Variants in AGBL4 observed in about 807,000 individuals in gnomAD.
The protein encoded by AGBL4 is AGBL carboxypeptidase 4, also known as cytosolic carboxypeptidase 6.
Under a neutral mutation model 66.4 loss-of-function variants are expected in AGBL4, and 58 were observed. The observed-to-expected ratio is 0.87, with a 90% confidence interval of 0.71 to 1.09. The LOEUF (loss-of-function observed/expected upper bound fraction) is 1.09, where lower values mean the gene tolerates loss of function less well. Ranked by LOEUF, AGBL4 falls within the 50% of genes least tolerant of loss-of-function variation. The probability of loss-of-function intolerance (pLI) is 0.00; values close to 1 mark genes in which losing one functional copy is unlikely to be tolerated. For synonymous variants in AGBL4, 234 were observed against 222.9 expected (o/e 1.05, Z -0.44); for missense variants, 579 against 631.0 (o/e 0.92, Z 0.88).
intron 6 of AGBL4, among the ~76,000 whole-genome samples, chr1:48,844,825 T>C (rs1039316469): frequency 6.6e-6 from 1 of 152,252 alleles, no homozygotes; most frequent in Non-Finnish European, 1.5e-5. Context: ...TATATTTTTC[T>C]TGAAGCAGGT....
chr1:49,317,589 GAA>G (rs1645062681), intron 3 of AGBL4, among the ~76,000 whole-genome samples: 1 of 151,832 alleles, frequency 6.6e-6, no homozygotes, highest in Non-Finnish European at 1.5e-5. Context: ...ATTATACAAT[GAA>G]ACAATCACTA....
intron 2 of AGBL4, among the ~76,000 whole-genome samples, chr1:49,700,392 T>C (rs907293288): frequency 3.9e-5 from 6 of 151,908 alleles, no homozygotes; most frequent in Non-Finnish European, 8.8e-5. Context: ...AATTAAAACA[T>C]AGATTAATCT....
intron 6 of AGBL4, among the ~76,000 whole-genome samples, chr1:48,693,934 T>C (rs56242935): frequency 0.037 from 5,589 of 151,778 alleles, 353 homozygotes; most frequent in African/African-American, 0.13. Context: ...TGAGTCTGAC[T>C]TACCCTGACC....
chr1:48,739,079 C>T (rs1649510571), intron 6 of AGBL4, among the ~76,000 whole-genome samples: 1 of 152,176 alleles, frequency 6.6e-6, no homozygotes, highest in South Asian at 2.1e-4. Flanking sequence ...GACAGCAGAC[C>T]TAACACATCA....
At chr1:49,211,942 C>T (rs1477702936) in intron 4 of AGBL4, among the ~76,000 whole-genome samples, 1 of 152,092 alleles carries the variant, frequency 6.6e-6, no homozygotes, top group Non-Finnish European at 1.5e-5. Flanking sequence ...AGGCCATGAA[C>T]TAGAAGCTTT....
intron 3 of AGBL4, among the ~76,000 whole-genome samples, chr1:49,298,941 C>A (rs998719955): frequency 2.0e-5 from 3 of 152,170 alleles, no homozygotes; most frequent in African/African-American, 7.2e-5. Context: ...ACTGATCCTT[C>A]TTCTTTTGCC....
At chr1:48,529,060 T>A (rs1022739459), downstream of AGBL4, among the ~76,000 whole-genome samples, 1 of 152,022 alleles carries the variant, frequency 6.6e-6, no homozygotes, top group Non-Finnish European at 1.5e-5. Flanking sequence ...ACTCTCACCA[T>A]ACCCACTATT....
chr1:49,075,522 C>A (rs1171249085), intron 4 of AGBL4, among the ~76,000 whole-genome samples: 2 of 152,112 alleles, frequency 1.3e-5, no homozygotes, highest in African/African-American at 4.8e-5. Flanking sequence ...TTTATCATCA[C>A]CTTTAGAGTA....
intron 9 of AGBL4, among the ~76,000 whole-genome samples, chr1:48,616,920 T>C (rs758612320): frequency 2.0e-5 from 3 of 152,232 alleles, no homozygotes; most frequent in Non-Finnish European, 2.9e-5. Flanking sequence ...AACGGCTGGT[T>C]TCTTTTCTGC....
chr1:49,695,140 A>G (rs527913694), intron 3 of AGBL4, among the ~76,000 whole-genome samples: 97 of 152,236 alleles, frequency 6.4e-4, no homozygotes, highest in Non-Finnish European at 1.1e-3. Context: ...TGAAAAAAAA[A>G]GAGGAAAAGA....
chr1:49,979,579 CAGT>C (rs1166877610), intron 1 of AGBL4, among the ~76,000 whole-genome samples: 1 of 151,886 alleles, frequency 6.6e-6, no homozygotes, highest in Non-Finnish European at 1.5e-5. Context: ...ATAAAATTAA[CAGT>C]AGTACATACT....
chr1:49,728,915 G>C (rs1649227437), intron 2 of AGBL4, among the ~76,000 whole-genome samples: 1 of 152,190 alleles, frequency 6.6e-6, no homozygotes, highest in African/African-American at 2.4e-5. Context: ...AAACAGCCCT[G>C]AACCTGTCAA....
chr1:49,552,313 C>T (rs1018651812), intron 3 of AGBL4, among the ~76,000 whole-genome samples: 3 of 152,164 alleles, frequency 2.0e-5, no homozygotes, highest in African/African-American at 7.2e-5. Flanking sequence ...CAGGTTCTGG[C>T]CGGGAGGATT....
chr1:49,902,483 T>A (rs1649857420), intron 1 of AGBL4, among the ~76,000 whole-genome samples: 1 of 152,104 alleles, frequency 6.6e-6, no homozygotes, highest in Non-Finnish European at 1.5e-5. Flanking sequence ...GTGTGGTGGC[T>A]CACGCCTGTA....
chr1:49,904,242 AG>A (rs745676118), intron 1 of AGBL4, among the ~76,000 whole-genome samples: 25 of 152,164 alleles, frequency 1.6e-4, no homozygotes, highest in Non-Finnish European at 3.5e-4. Context: ...TAGACCTTGA[AG>A]GGTCTTAGAG....
chr1:49,038,114 C>CATA (rs1479032169), intron 5 of AGBL4, among the ~76,000 whole-genome samples: 1 of 152,044 alleles, frequency 6.6e-6, no homozygotes, highest in Non-Finnish European at 1.5e-5. Flanking sequence ...CTCTTCCTAC[C>CATA]ATAATGTAAG....
intron 3 of AGBL4, among the ~76,000 whole-genome samples, chr1:49,383,502 G>A (rs1158358682): frequency 6.6e-6 from 1 of 151,976 alleles, no homozygotes; most frequent in Non-Finnish European, 1.5e-5. Context: ...TCACATATAT[G>A]GTCAACTGGC....
At chr1:48,724,085 C>G (rs936244941) in intron 6 of AGBL4, among the ~76,000 whole-genome samples, 1 of 152,150 alleles carries the variant, frequency 6.6e-6, no homozygotes, top group Non-Finnish European at 1.5e-5. Context: ...ACGGGGTCAG[C>G]AGGTTAGGAG....
At chr1:49,023,388 G>A (rs1258225558) in intron 5 of AGBL4, among the ~76,000 whole-genome samples, 2 of 152,088 alleles carry the variant, frequency 1.3e-5, no homozygotes, top group African/African-American at 4.8e-5. Flanking sequence ...TTCAGGCTTT[G>A]GTATTATCCA....
Sources: gnomAD v4.1 joint callset for allele counts (sites outside exome capture counted in the v4.1 genomes callset) on GRCh38, gnomAD v4.1.1 for gene constraint, MANE v1.5 for transcripts, NCBI Gene and HGNC (gene_info 2026-07-23, HGNC 2026-07-21) for gene names.